Variants in HCN1 observed in about 807,000 individuals in gnomAD.
HCN1 encodes the protein potassium/sodium hyperpolarization-activated cyclic nucleotide-gated channel 1.
Under a neutral mutation model 78.9 loss-of-function variants are expected in HCN1, and 13 were observed. The observed-to-expected ratio is 0.16, with a 90% CI of 0.11 to 0.26. HCN1 has a LOEUF of 0.26. HCN1 is among the 10% of genes least tolerant of loss of function. The probability of loss-of-function intolerance (pLI) is 1.00; values close to 1 mark genes in which losing one functional copy is unlikely to be tolerated. For synonymous variants in HCN1, 552 were observed against 455.5 expected, an observed-to-expected ratio of 1.21 and a Z score of -2.70; for missense variants, 810 against 1,154.3, an observed-to-expected ratio of 0.70 and a Z score of 4.32.
intron 2 of HCN1, among the ~76,000 whole-genome samples, chr5:45,539,692 A>T (rs538927763): frequency 2.8e-4 from 41 of 148,206 alleles, no homozygotes; most frequent in African/African-American, 8.3e-4. Context: ...ACAATATTTT[A>T]AAAAATATTA....
chr5:45,615,471 T>C (rs1033706475), intron 2 of HCN1, among the ~76,000 whole-genome samples: 1 of 151,930 alleles, frequency 6.6e-6, no homozygotes, highest in Non-Finnish European at 1.5e-5. Context: ...CACTGAAACT[T>C]CATAGAGATG....
intron 5 of HCN1, among the ~76,000 whole-genome samples, chr5:45,347,027 C>T (rs908038014): frequency 3.0e-4 from 46 of 152,318 alleles, no homozygotes; most frequent in East Asian, 1.2e-3. Context: ...TCTCCCAGCA[C>T]GCAGCTGGAG....
chr5:45,494,248 C>A (rs995263264), intron 2 of HCN1, among the ~76,000 whole-genome samples: 25 of 152,130 alleles, frequency 1.6e-4, no homozygotes, highest in African/African-American at 3.6e-4. Context: ...TTCTCCACAT[C>A]CTCTCCAGCA....
At chr5:45,686,917 T>C (rs1295650838) in intron 1 of HCN1, among the ~76,000 whole-genome samples, 1 of 152,216 alleles carries the variant, frequency 6.6e-6, no homozygotes, top group East Asian at 1.9e-4. Context: ...CTTCTATGTC[T>C]TCATGTTGTT....
At chr5:45,323,565 A>AT in intron 5 of HCN1, among the ~76,000 whole-genome samples, 1 of 151,814 alleles carries the variant, frequency 6.6e-6, no homozygotes, top group South Asian at 2.1e-4. Flanking sequence ...CTTTTTTTTC[A>AT]TTTTTTATCA....
intron 4 of HCN1, among the ~76,000 whole-genome samples, chr5:45,371,159 G>T (rs989860476): frequency 6.6e-6 from 1 of 151,978 alleles, no homozygotes; most frequent in Non-Finnish European, 1.5e-5. Context: ...AACACCAAAT[G>T]CCCACATTGA....
chr5:45,458,186 C>T (rs1741064956), intron 3 of HCN1, among the ~76,000 whole-genome samples: 1 of 151,824 alleles, frequency 6.6e-6, no homozygotes, highest in Non-Finnish European at 1.5e-5. Context: ...TGAGTTTCTC[C>T]TCATCTAGCT....
At chr5:45,678,580 T>C (rs1739638900) in intron 1 of HCN1, among the ~76,000 whole-genome samples, 1 of 151,962 alleles carries the variant, frequency 6.6e-6, no homozygotes, top group Non-Finnish European at 1.5e-5. Context: ...AATGACTTCA[T>C]CGTGAGTACA....
chr5:45,307,494 T>G (rs775023837), intron 5 of HCN1, among the ~76,000 whole-genome samples: 2 of 152,272 alleles, frequency 1.3e-5, no homozygotes, highest in South Asian at 2.1e-4. Context: ...GTTGGTAGCA[T>G]GTACTCTTGG....
In HCN1 at chr5:45,534,404, C is replaced by CAAAAAAAAAAAAAAAAAAAAAAAAAAAA. The variant is rs71000637; in HGVS notation, c.850-72425_850-72398dup. Among the ~76,000 whole-genome samples, 2 of 29,298 alleles carry CAAAAAAAAAAAAAAAAAAAAAAAAAAAA rather than the reference C, an allele frequency of 6.8e-5. 1 individual carries two copies. Among genetic ancestry groups the CAAAAAAAAAAAAAAAAAAAAAAAAAAAA allele is most frequent in the Non-Finnish European group, 1.1e-4 (2 of 18,480 alleles). 19.2% of individuals were successfully genotyped at this position (29,298 alleles called of 152,430 possible). On this transcript the variant is annotated intron_variant, in intron 2 of 7. Coordinates refer to ENST00000303230, the MANE Select transcript of HCN1 (RefSeq NM_021072.4). ...TGGGCAACAGAGTGAGACTGCATCT[C>CAAAAAAAAAAAAAAAAAAAAAAAAAAAA]AAAAAAAAAAAAAAAAAAAAAAAAA...
chr5:45,371,776 T>C lies in HCN1; in HGVS notation c.1231-18530A>G, dbSNP rs146723394. On this transcript the variant is annotated intron_variant, in intron 4 of 7. Coordinates refer to ENST00000303230, the MANE Select transcript of HCN1 (RefSeq NM_021072.4). ...CATCTCAAAAAAAAAAATATATATATATATGTACACACACACATACACACA... is the reference window on the plus strand; with the variant it reads ...CATCTCAAAAAAAAAAATATATATACATATGTACACACACACATACACACA... Among the ~76,000 whole-genome samples, 359 of 141,408 alleles carry C rather than the reference T, an allele frequency of 2.5e-3. 14 individuals are homozygous for C. The East Asian group carries it at 0.055, about 22-fold the overall frequency. The allele number at this position is 141,408 out of a possible 152,430, so 92.8% of individuals were successfully genotyped here. A position where few individuals can be genotyped will look rare whatever the true frequency, so the allele number is the denominator to read the frequency against.
rs1004278965 is a variant in HCN1 at position 45,274,660 on chromosome 5, A to G, written c.1619-7407T>C. ...AGCAAATAAAAGTAATGCTTCACAC[A>G]TCAAGTAGCTCTCCAAATTTGTGAT... On this transcript the variant is annotated intron_variant, in intron 6 of 7. Transcript: ENST00000303230. Among the ~76,000 whole-genome samples the G allele has an allele frequency of 2.0e-5, 3 of 152,192 alleles. No individual in the cohort carries two copies. In the East Asian group the frequency reaches 5.8e-4, roughly 29 times the overall value.
At chr5:45,514,228 C>CTATT (rs1055753545) in intron 2 of HCN1, among the ~76,000 whole-genome samples, 7 of 152,098 alleles carry the variant, frequency 4.6e-5, no homozygotes, top group African/African-American at 1.7e-4. Context: ...AAACCTAATG[C>CTATT]TATTATTTAA....
intron 2 of HCN1, among the ~76,000 whole-genome samples, chr5:45,510,080 C>T (rs1742382875): frequency 6.6e-6 from 1 of 152,038 alleles, no homozygotes; most frequent in East Asian, 1.9e-4. Context: ...AATAATAACA[C>T]TTGAATGAAA....
chr5:45,285,830 T>A (rs1579779723), intron 6 of HCN1, among the ~76,000 whole-genome samples: 1 of 152,100 alleles, frequency 6.6e-6, no homozygotes, highest in South Asian at 2.1e-4. Flanking sequence ...CACAAAAACA[T>A]GGTAACTGTG....
At chr5:45,610,199 C>A (rs1019626771) in intron 2 of HCN1, among the ~76,000 whole-genome samples, 2 of 151,988 alleles carry the variant, frequency 1.3e-5, no homozygotes, top group Non-Finnish European at 2.9e-5. Flanking sequence ...TAACTTGAAC[C>A]CTTTTTTCTG....
At chr5:45,317,791 G>A (rs1372413411) in intron 5 of HCN1, among the ~76,000 whole-genome samples, 2 of 152,158 alleles carry the variant, frequency 1.3e-5, no homozygotes, top group African/African-American at 2.4e-5. Flanking sequence ...AGACATTTAT[G>A]CAGCCAACAG....
chr5:45,504,398 G>A (rs1242686836), intron 2 of HCN1, among the ~76,000 whole-genome samples: 1 of 152,006 alleles, frequency 6.6e-6, no homozygotes, highest in Non-Finnish European at 1.5e-5. Flanking sequence ...ATGGTTTCCA[G>A]CTCATCCATG....
At chr5:45,485,557 C>CTCT (rs1741739246) in intron 2 of HCN1, among the ~76,000 whole-genome samples, 1 of 152,052 alleles carries the variant, frequency 6.6e-6, no homozygotes, top group African/African-American at 2.4e-5. Flanking sequence ...CCAACACTTA[C>CTCT]GCAGAAGGGA....
Sources: gnomAD v4.1 joint callset for allele counts (sites outside exome capture counted in the v4.1 genomes callset) on GRCh38, gnomAD v4.1.1 for gene constraint, MANE v1.5 for transcripts, NCBI Gene and HGNC (gene_info 2026-07-23, HGNC 2026-07-21) for gene names.